The following SLC8A1 variants were observed in gnomAD, a reference collection of about 807,000 sequenced individuals.
The protein encoded by SLC8A1 is solute carrier family 8 member A1.
SLC8A1 carries 18 observed loss-of-function variants against 68.3 expected under a neutral mutation model. The ratio of observed to expected loss-of-function variants is 0.26; its 90% CI spans 0.18 to 0.39. The LOEUF is 0.39. Ranked by LOEUF, SLC8A1 falls within the 10% of genes least tolerant of loss-of-function variation. SLC8A1 has a pLI of 1.00. For synonymous variants in SLC8A1, 475 were observed against 415.5 expected (o/e 1.14, Z -1.74); for missense variants, 985 against 1,156.7 (o/e 0.85, Z 2.15).
chr2:40,256,148 C>A (rs551543712), intron 2 of SLC8A1, among the ~76,000 whole-genome samples: 3 of 152,146 alleles, frequency 2.0e-5, no homozygotes, highest in Non-Finnish European at 2.9e-5. Context: ...ATAAGACACA[C>A]GGCATTTTTA....
chr2:40,432,955 T>A (rs902572737), intron 1 of SLC8A1, among the ~76,000 whole-genome samples: 10 of 152,194 alleles, frequency 6.6e-5, no homozygotes, highest in Middle Eastern at 3.4e-3. Flanking sequence ...GTGAAAGAAA[T>A]GTCTTGGGGA....
chr2:40,366,006 A>AAG lies in SLC8A1; in HGVS notation c.1808+62466_1808+62467insCT, dbSNP rs57381837. 4.0e-5 allele frequency among the ~76,000 whole-genome samples: 6 copies of AAG among 151,224 alleles called. No individual in the cohort carries two copies. In the Admixed American group the frequency reaches 4.0e-4, roughly 10 times the overall value. ...ATAAGACCCTGTCTGAAAAAAAAAA[A>AAG]TCATTTTTAAGATTAAGAATAAAAA... On this transcript the variant is annotated intron_variant, in intron 2 of 7. Coordinates refer to ENST00000406785, the Ensembl canonical transcript of SLC8A1.
At chr2:40,142,068 A>G (rs1460316827) in intron 6 of SLC8A1, among the ~76,000 whole-genome samples, 1 of 152,232 alleles carries the variant, frequency 6.6e-6, no homozygotes, top group Non-Finnish European at 1.5e-5. Context: ...CTAGCAAACT[A>G]CAGCAGCCCT....
chr2:40,512,403 C>T (rs1420303961), exon 1 of SLC8A1: 1 of 152,246 alleles, frequency 6.6e-6, no homozygotes, highest in African/African-American at 2.4e-5. Context: ...AAAAAGATCC[C>T]AGTATGATGC....
chr2:40,436,551 C>T (rs17026018), intron 1 of SLC8A1, among the ~76,000 whole-genome samples: 7,492 of 152,156 alleles, frequency 0.049, 363 homozygotes, highest in East Asian at 0.25. Context: ...GTGTGTCTTC[C>T]AGCATCAGCC....
At chr2:40,409,479 T>G (rs541249140) in intron 2 of SLC8A1, among the ~76,000 whole-genome samples, 27 of 152,238 alleles carry the variant, frequency 1.8e-4, no homozygotes, top group African/African-American at 6.5e-4. Flanking sequence ...GATTCTTAAA[T>G]TCACAAATAA....
chr2:40,509,280 A>G (rs889760261), intron 1 of SLC8A1, among the ~76,000 whole-genome samples: 4 of 152,050 alleles, frequency 2.6e-5, no homozygotes, highest in Non-Finnish European at 5.9e-5. Context: ...AAGGTGGAGA[A>G]ATCCTATAGC....
At chr2:40,206,913 T>G (rs1014759377) in intron 2 of SLC8A1, among the ~76,000 whole-genome samples, 2 of 152,058 alleles carry the variant, frequency 1.3e-5, no homozygotes, top group Admixed American at 6.6e-5. Flanking sequence ...GCACAAAATG[T>G]GAATTCATGT....
exon 8 of SLC8A1, chr2:40,107,486 T>C (rs1320078125): frequency 2.0e-5 from 3 of 152,140 alleles, no homozygotes; most frequent in Middle Eastern, 6.8e-3. Flanking sequence ...GAAACTCTAA[T>C]TGGCCCTAAA....
chr2:40,384,513 A>T (rs911995344), intron 2 of SLC8A1, among the ~76,000 whole-genome samples: 1 of 152,236 alleles, frequency 6.6e-6, no homozygotes, highest in Non-Finnish European at 1.5e-5. Flanking sequence ...ATCATCATTC[A>T]AAAAGAACAT....
intron 2 of SLC8A1, among the ~76,000 whole-genome samples, chr2:40,188,370 A>G (rs34303202): frequency 0.011 from 1,631 of 152,328 alleles, 11 homozygotes; most frequent in African/African-American, 0.017. Flanking sequence ...AAACACATCA[A>G]CATCTTTGTC....
intron 2 of SLC8A1, among the ~76,000 whole-genome samples, chr2:40,428,039 C>G (rs946423830): frequency 1.3e-5 from 2 of 152,028 alleles, no homozygotes; most frequent in Non-Finnish European, 2.9e-5. Flanking sequence ...CAGGGTGTTT[C>G]CTTTTTGGGT....
At chr2:40,445,926 G>A (rs1470308819) in intron 1 of SLC8A1, among the ~76,000 whole-genome samples, 1 of 152,188 alleles carries the variant, frequency 6.6e-6, no homozygotes, top group Admixed American at 6.5e-5. Flanking sequence ...CCCAGAGGAA[G>A]TTAAAGCTTG....
chr2:40,431,578 CTG>C (rs1338725674), intron 1 of SLC8A1, among the ~76,000 whole-genome samples: 1 of 152,084 alleles, frequency 6.6e-6, no homozygotes, highest in Non-Finnish European at 1.5e-5. Context: ...TGAGGGGAAA[CTG>C]AAGTAGAGGA....
chr2:40,146,633 TGGG>T (rs2042519614), intron 6 of SLC8A1, among the ~76,000 whole-genome samples: 1 of 121,742 alleles, frequency 8.2e-6, no homozygotes, highest in Non-Finnish European at 1.7e-5. Flanking sequence ...CTTTGGGGGA[TGGG>T]AGGCAGTGAA....
rs544929322 is a variant in SLC8A1, at chr2:40,258,350, A to G, written c.1809-80495T>C. On this transcript the variant is annotated intron_variant, in intron 2 of 7. Transcript: ENST00000406785. ...AGTACTTCCCAACGTGTGGGAAGCCACTTACCTTCAGACGTCAAAATGAAA... is the reference window on the plus strand; with the variant it reads ...AGTACTTCCCAACGTGTGGGAAGCCGCTTACCTTCAGACGTCAAAATGAAA... Among the ~76,000 whole-genome samples the G allele has an allele frequency of 1.1e-4, 16 of 152,310 alleles. No homozygotes were observed. In the South Asian group the frequency reaches 3.1e-3, roughly 30 times the overall value.
chr2:40,484,524 A>G (rs928256960), intron 1 of SLC8A1, among the ~76,000 whole-genome samples: 1 of 152,238 alleles, frequency 6.6e-6, no homozygotes, highest in Non-Finnish European at 1.5e-5. Flanking sequence ...TTCCGCATAA[A>G]TAGCACCCCT....
At chr2:40,472,848 CTA>C (rs375639024) in intron 1 of SLC8A1, among the ~76,000 whole-genome samples, 13 of 152,318 alleles carry the variant, frequency 8.5e-5, no homozygotes, top group Admixed American at 2.6e-4. Flanking sequence ...TAGAAGCACA[CTA>C]TGTGTCAAGA....
chr2:40,293,893 A>G (rs1455433379), intron 2 of SLC8A1, among the ~76,000 whole-genome samples: 1 of 152,216 alleles, frequency 6.6e-6, no homozygotes, highest in East Asian at 1.9e-4. Flanking sequence ...AAAACAGAGT[A>G]TCCAGATGTT....
Sources: gnomAD v4.1 joint callset for allele counts (sites outside exome capture counted in the v4.1 genomes callset) on GRCh38, gnomAD v4.1.1 for gene constraint, MANE v1.5 for transcripts, NCBI Gene and HGNC (gene_info 2026-07-23, HGNC 2026-07-21) for gene names.